The following CASQ2 variants were observed in gnomAD, a reference collection of about 807,000 sequenced individuals.
CASQ2 encodes calsequestrin-2.
CASQ2 carries 49 observed loss-of-function variants against 46.5 expected under a neutral mutation model. The ratio of observed to expected loss-of-function variants is 1.05; its 90% CI spans 0.84 to 1.34. CASQ2 has a LOEUF of 1.34. Ranked by LOEUF, CASQ2 falls within the 40% of genes most tolerant of loss-of-function variation. The pLI is 0.00. For missense variants in CASQ2, 486 were observed against 481.3 expected (o/e 1.01, Z -0.09); for synonymous variants, 174 against 168.5 (o/e 1.03, Z -0.25).
At chr1:115,767,439 G>T (rs1340357680) in intron 1 of CASQ2, among the ~76,000 whole-genome samples, 4 of 152,158 alleles carry the variant, frequency 2.6e-5, no homozygotes, top group Non-Finnish European at 5.9e-5. Flanking sequence ...TTCTCTGATT[G>T]TGCTGGTTAA....
rs1285198583 is a variant in CASQ2 at position 115,741,238 on chromosome 1, G to A, written c.320-410C>T. ...CTTTCATTCTCCCTTAGGTAGACTT[G>A]TACTCCTTTGAGAACTGCTCTCTTG... On this transcript the variant is annotated intron_variant, in intron 2 of 10. Transcript: ENST00000261448. Among the ~76,000 whole-genome samples the A allele has an allele frequency of 2.6e-5, 4 of 152,232 alleles. No individual in the cohort carries two copies. In the East Asian group the frequency reaches 5.8e-4, roughly 22 times the overall value.
At chr1:115,748,135 G>T (rs1648450878) in intron 1 of CASQ2, among the ~76,000 whole-genome samples, 1 of 151,920 alleles carries the variant, frequency 6.6e-6, no homozygotes, top group African/African-American at 2.4e-5. Flanking sequence ...AGGATTTATT[G>T]TCTTCTTGAT....
chr1:115,743,205 A>G (rs1408428599), intron 2 of CASQ2, among the ~76,000 whole-genome samples: 491 of 17,786 alleles, frequency 0.028, 7 homozygotes, highest in South Asian at 0.27. Flanking sequence ...TTGTTTATTT[A>G]TTTATTTATT....
At chr1:115,718,669 G>A (rs897647659) in intron 7 of CASQ2, among the ~76,000 whole-genome samples, 8 of 152,298 alleles carry the variant, frequency 5.3e-5, no homozygotes, top group African/African-American at 1.4e-4. Context: ...GAGGGTGTGC[G>A]ATTGAGAAAA....
intron 5 of CASQ2, among the ~76,000 whole-genome samples, chr1:115,728,560 T>C (rs1019135596): frequency 2.0e-5 from 3 of 152,170 alleles, no homozygotes; most frequent in Non-Finnish European, 4.4e-5. Flanking sequence ...TCACTTACTA[T>C]GTATTCTAGG....
intron 1 of CASQ2, among the ~76,000 whole-genome samples, chr1:115,763,240 G>C (rs1649022416): frequency 6.6e-6 from 1 of 152,136 alleles, no homozygotes; most frequent in South Asian, 2.1e-4. Flanking sequence ...TCTCAAAGTA[G>C]GTGAGACTGA....
chr1:115,703,088 ATTGGT>A (rs1175340870), intron 9 of CASQ2, 93 bp from the exon 10 acceptor site: 1 of 981,706 alleles, frequency 1.0e-6, no homozygotes. Flanking sequence ...CTAGGTCACC[ATTGGT>A]TAAAGGTCTT....
chr1:115,752,352 CT>C (rs1312013950), intron 1 of CASQ2, among the ~76,000 whole-genome samples: 1 of 152,182 alleles, frequency 6.6e-6, no homozygotes, highest in Non-Finnish European at 1.5e-5. Flanking sequence ...ATGTCCACGT[CT>C]GTTTTTCTCC....
intron 1 of CASQ2, among the ~76,000 whole-genome samples, chr1:115,765,527 G>C (rs4550045): frequency 0.98 from 149,002 of 152,254 alleles, 72,999 homozygotes; most frequent in East Asian, 1. Context: ...CACTGGAGAG[G>C]GAAATCAACT....
chr1:115,731,120 A>C (rs963670542), intron 5 of CASQ2, among the ~76,000 whole-genome samples: 1 of 152,200 alleles, frequency 6.6e-6, no homozygotes, highest in African/African-American at 2.4e-5. Flanking sequence ...TCTGAAATCC[A>C]ACAAGGCTAC....
At chr1:115,766,472 CATT>C in intron 1 of CASQ2, among the ~76,000 whole-genome samples, 1 of 152,300 alleles carries the variant, frequency 6.6e-6, no homozygotes, top group East Asian at 1.9e-4. Flanking sequence ...ATTTAATCAA[CATT>C]ATTATTATTT....
chr1:115,764,891 A>G (rs1649082893), intron 1 of CASQ2, among the ~76,000 whole-genome samples: 1 of 152,180 alleles, frequency 6.6e-6, no homozygotes, highest in Non-Finnish European at 1.5e-5. Flanking sequence ...GGATGTAAGT[A>G]ATTGGCAACA....
At position 115,744,922 on chromosome 1, in the gene CASQ2, C is replaced by A. The variant is rs374241482; in HGVS notation, c.235-10G>T. 6.3e-7 allele frequency: 1 copy of A among 1,599,652 alleles called. No homozygotes were observed. The highest frequency in any genetic ancestry group is 8.6e-7 in the Non-Finnish European group (1 of 1,167,366). Reference sequence around the variant, plus strand: ...GGACCTGGGCCACAAGCTGAAGAAACAAATGGAAAGATGAGTGTGCTAAGG... The same window carrying A: ...GGACCTGGGCCACAAGCTGAAGAAAAAAATGGAAAGATGAGTGTGCTAAGG... On this transcript the variant is annotated splice_polypyrimidine_tract_variant and intron_variant, in intron 1 of 10. Coordinates refer to ENST00000261448, the MANE Select transcript of CASQ2 (RefSeq NM_001232.4).
Position 115,768,538 on chromosome 1 carries a change from T to C in CASQ2, c.4A>G (p.Lys2Glu), listed in dbSNP as rs1649207484. The change falls in exon 1 of 11, where the codon AAG (lysine) becomes GAG (glutamate). Residue 2 changes from lysine to glutamate, a missense_variant. Coordinates refer to ENST00000261448, the MANE Select transcript of CASQ2 (RefSeq NM_001232.4). The part of the protein sequence containing the change: M[K>E]RTHLFIVGIY... ...CCCACAATAAACAAGTGAGTTCTCT[T>C]CATTTGGGAAAACTTTTGTTTCTCG... 1.2e-6 allele frequency: 2 copies of C among 1,606,586 alleles called. No individual in the cohort carries two copies. The highest frequency in any genetic ancestry group is 1.7e-6 in the Non-Finnish European group (2 of 1,173,256).
intron 1 of CASQ2, among the ~76,000 whole-genome samples, chr1:115,765,939 T>C (rs1336250031): frequency 6.6e-6 from 1 of 152,202 alleles, no homozygotes; most frequent in Non-Finnish European, 1.5e-5. Flanking sequence ...GTTTTGACCA[T>C]GAAGAAAGTT....
Position 115,705,395 on chromosome 1 carries a change from G to A in CASQ2, c.839-103C>T. Reference sequence around the variant, plus strand: ...CCACGAGGACTTCTTAGGACATTTGGTGCTCACCCTCAATTATAGGATTAT... The same window carrying A: ...CCACGAGGACTTCTTAGGACATTTGATGCTCACCCTCAATTATAGGATTAT... On this transcript the variant is annotated intron_variant, in intron 8 of 10. Transcript: ENST00000261448. 3 of 748,880 alleles carry A rather than the reference G, an allele frequency of 4.0e-6. No homozygotes were observed. The Admixed American group carries it at 6.0e-5, about 15-fold the overall frequency. 46.4% of individuals were successfully genotyped at this position (748,880 alleles called of 1,614,324 possible).
At chr1:115,714,214 A>C (rs1654632310) in intron 8 of CASQ2, among the ~76,000 whole-genome samples, 1 of 152,104 alleles carries the variant, frequency 6.6e-6, no homozygotes, top group African/African-American at 2.4e-5. Context: ...TGCCTTCCTC[A>C]TGGGGTTCTT....
chr1:115,716,828 C>A lies in CASQ2; in HGVS notation c.838+1012G>T, dbSNP rs553401502. 9.2e-5 allele frequency among the ~76,000 whole-genome samples: 14 copies of A among 152,276 alleles called. No individual in the cohort carries two copies. The South Asian group carries it at 2.9e-3, about 32-fold the overall frequency. The stretch of plus-strand genomic sequence containing the variant: ...AGCCCTTGTCACAAGACTTGTTGTC[C>A]CTTCTCTGTTCTATAGACAAAATTT... On this transcript the variant is annotated intron_variant, in intron 8 of 10. Coordinates refer to ENST00000261448, the MANE Select transcript of CASQ2 (RefSeq NM_001232.4).
At chr1:115,709,691 A>G (rs10923239) in intron 8 of CASQ2, among the ~76,000 whole-genome samples, 1 of 152,222 alleles carries the variant, frequency 6.6e-6, no homozygotes, top group Middle Eastern at 3.4e-3. Flanking sequence ...GAATATTTCC[A>G]GGACTGAGAC....
Sources: allele counts gnomAD v4.1 joint callset (sites outside exome capture counted in the v4.1 genomes callset), GRCh38; gene constraint gnomAD v4.1.1; transcripts MANE v1.5; gene names NCBI Gene and HGNC (gene_info 2026-07-23, HGNC 2026-07-21).